Variants in GNG12 observed in about 807,000 individuals in gnomAD.
GNG12 encodes G protein subunit gamma 12.
For synonymous variants in GNG12, 28 were observed against 29.7 expected (o/e 0.94, Z 0.19); for missense variants, 69 against 83.8 (o/e 0.82, Z 0.69).
At chr1:67,760,919 T>C (rs1363504410) in intron 2 of GNG12, among the ~76,000 whole-genome samples, 1 of 152,236 alleles carries the variant, frequency 6.6e-6, no homozygotes, top group Non-Finnish European at 1.5e-5. Context: ...ACTCGCTTCA[T>C]CCTTGACTTG....
intron 1 of GNG12, among the ~76,000 whole-genome samples, chr1:67,819,216 T>A (rs1043020910): frequency 6.6e-5 from 10 of 152,018 alleles, no homozygotes; most frequent in Non-Finnish European, 8.8e-5. Flanking sequence ...AGGGAGGCGT[T>A]CCTGATGACT....
chr1:67,769,013 C>T (rs1375089912), intron 2 of GNG12, among the ~76,000 whole-genome samples: 1 of 152,094 alleles, frequency 6.6e-6, no homozygotes, highest in African/African-American at 2.4e-5. Context: ...CTGTATCTTG[C>T]CATCTTTGTA....
chr1:67,793,104 A>G (rs1166879022), intron 1 of GNG12, among the ~76,000 whole-genome samples: 1 of 152,146 alleles, frequency 6.6e-6, no homozygotes, highest in Non-Finnish European at 1.5e-5. Flanking sequence ...GTCAACTGGA[A>G]ATTGTCTCCT....
chr1:67,758,311 T>C (rs556490515), intron 2 of GNG12, among the ~76,000 whole-genome samples: 4 of 152,126 alleles, frequency 2.6e-5, no homozygotes, highest in African/African-American at 9.7e-5. Flanking sequence ...CACATTAGAA[T>C]AAACAAACAA....
chr1:67,754,999 C>T (rs557050456), intron 2 of GNG12, among the ~76,000 whole-genome samples: 1 of 152,228 alleles, frequency 6.6e-6, no homozygotes, highest in Non-Finnish European at 1.5e-5. Flanking sequence ...TGGGCATGTG[C>T]CCCAGTTCTG....
intron 2 of GNG12, among the ~76,000 whole-genome samples, chr1:67,736,575 A>G (rs1646453943): frequency 6.6e-6 from 1 of 152,180 alleles, no homozygotes; most frequent in South Asian, 2.1e-4. Flanking sequence ...GCAGCCTCTC[A>G]GTGGAACATA....
At position 67,702,732 on chromosome 1, in the gene GNG12, G is replaced by A. The variant is rs542674714; in HGVS notation, c.*2719C>T. 2.6e-5 allele frequency: 4 copies of A among 152,042 alleles called. No individual in the cohort carries two copies. The highest frequency in any genetic ancestry group is 5.9e-5 in the Non-Finnish European group (4 of 68,010). The allele number at this position is 152,042 out of a possible 1,614,324, so 9.4% of individuals were successfully genotyped here. A position where few individuals can be genotyped will look rare whatever the true frequency, so the allele number is the denominator to read the frequency against. On this transcript the variant is annotated 3_prime_UTR_variant, in exon 4 of 4. Coordinates refer to ENST00000370982, the MANE Select transcript of GNG12 (RefSeq NM_018841.6). Reference sequence around the variant, plus strand: ...CATGAAATCATGCCGTGGTCCTGAGGCCTCAACTGGACAGATTTATGATGA... The same window carrying A: ...CATGAAATCATGCCGTGGTCCTGAGACCTCAACTGGACAGATTTATGATGA...
At chr1:67,716,356 T>C (rs2100682207) in intron 2 of GNG12, among the ~76,000 whole-genome samples, 1 of 152,322 alleles carries the variant, frequency 6.6e-6, no homozygotes, top group South Asian at 2.1e-4. Context: ...CCAGGGTACA[T>C]GTCCCTGAAT....
chr1:67,729,568 C>T (rs555196967), intron 2 of GNG12, among the ~76,000 whole-genome samples: 1 of 152,306 alleles, frequency 6.6e-6, no homozygotes, highest in Non-Finnish European at 1.5e-5. Context: ...CACTCAGGCC[C>T]TCCCTTGATA....
chr1:67,797,900 C>A (rs991519090), intron 1 of GNG12, among the ~76,000 whole-genome samples: 5 of 152,174 alleles, frequency 3.3e-5, no homozygotes, highest in African/African-American at 1.2e-4. Flanking sequence ...AGGTGACACG[C>A]GTCTCCACTG....
At chr1:67,718,612 T>C (rs1300051670) in intron 2 of GNG12, among the ~76,000 whole-genome samples, 1 of 149,906 alleles carries the variant, frequency 6.7e-6, no homozygotes, top group Non-Finnish European at 1.5e-5. Flanking sequence ...CATTTTAACT[T>C]TCCCCATTCT....
chr1:67,745,472 G>C (rs538724078), intron 2 of GNG12, among the ~76,000 whole-genome samples: 35 of 152,310 alleles, frequency 2.3e-4, no homozygotes, highest in African/African-American at 7.5e-4. Context: ...GAAGGAAAGT[G>C]CCCAGAAATG....
intron 1 of GNG12, among the ~76,000 whole-genome samples, chr1:67,793,181 T>C (rs889863673): frequency 2.0e-5 from 3 of 152,214 alleles, no homozygotes; most frequent in African/African-American, 7.2e-5. Flanking sequence ...TTTGGAATCA[T>C]TGTGTAAAAA....
chr1:67,806,549 G>A (rs1383818322), intron 1 of GNG12, among the ~76,000 whole-genome samples: 2 of 151,972 alleles, frequency 1.3e-5, no homozygotes, highest in Non-Finnish European at 2.9e-5. Context: ...GGATGGTCCT[G>A]GAACCAATCC....
intron 1 of GNG12, among the ~76,000 whole-genome samples, chr1:67,820,446 C>G (rs967351260): frequency 2.6e-5 from 4 of 152,014 alleles, no homozygotes; most frequent in African/African-American, 9.7e-5. Context: ...GAGACAGGGC[C>G]TTTGTCCACA....
At chr1:67,771,211 T>A (rs572274421) in intron 2 of GNG12, among the ~76,000 whole-genome samples, 110 of 152,348 alleles carry the variant, frequency 7.2e-4, no homozygotes, top group African/African-American at 2.5e-3. Context: ...GTGAGTCACA[T>A]TGTACAATAT....
At chr1:67,735,716 A>G (rs560659058) in intron 2 of GNG12, among the ~76,000 whole-genome samples, 2 of 152,390 alleles carry the variant, frequency 1.3e-5, no homozygotes, top group Non-Finnish European at 2.9e-5. Context: ...TGTAAATACT[A>G]TAATTTCTGA....
Position 67,702,485 on chromosome 1 carries a change from T to C in GNG12, c.*2966A>G, listed in dbSNP as rs1442520532. ...GGTTTTTTTCCTGATAGTTTAAAGA[T>C]TAGTAAAGTACAAAAACAGTCTAAA... is the stretch of plus-strand genomic sequence containing the variant. On this transcript the variant is annotated 3_prime_UTR_variant, in exon 4 of 4. Transcript: ENST00000370982. 1 of 152,140 alleles carries C rather than the reference T, an allele frequency of 6.6e-6. No individual in the cohort carries two copies. The highest frequency in any genetic ancestry group is 1.5e-5 in the Non-Finnish European group (1 of 68,022). The allele number at this position is 152,140 out of a possible 1,614,324, so 9.4% of individuals were successfully genotyped here.
chr1:67,718,388 T>G (rs1646338653), intron 2 of GNG12, among the ~76,000 whole-genome samples: 1 of 152,218 alleles, frequency 6.6e-6, no homozygotes, highest in South Asian at 2.1e-4. Context: ...TTAATTTTAT[T>G]TAGCCCAATA....
Sources: gnomAD v4.1 joint callset for allele counts (sites outside exome capture counted in the v4.1 genomes callset) on GRCh38, gnomAD v4.1.1 for gene constraint, MANE v1.5 for transcripts, NCBI Gene and HGNC (gene_info 2026-07-23, HGNC 2026-07-21) for gene names.